The following ERICH5 variants were observed in gnomAD, a reference collection of about 807,000 sequenced individuals.
ERICH5 encodes glutamate rich 5.
Under a neutral mutation model 28.0 loss-of-function variants are expected in ERICH5, and 24 were observed. The ratio of observed to expected loss-of-function variants is 0.86; its 90% CI spans 0.62 to 1.21. ERICH5 has a LOEUF of 1.21. Among genes scored for constraint, ERICH5 ranks in the 50% most tolerant of loss-of-function variants. The pLI is 0.00. For missense variants in ERICH5, 421 were observed against 441.2 expected, an observed-to-expected ratio of 0.95 and a Z score of 0.41; for synonymous variants, 163 against 157.6, an observed-to-expected ratio of 1.03 and a Z score of -0.25.
Position 98,089,115 on chromosome 8 carries a change from A to G in ERICH5, c.98A>G (p.Glu33Gly), listed in dbSNP as rs1313779497. The part of the protein sequence containing the change: ...NEHFSTAEES[E>G]SCFAQPKPHA... ...CATTTTTCAACTGCAGAAGAAAGTG[A>G]GTCCTGCTTTGCCCAACCAAAGCCA... The change falls in exon 2 of 3, where the codon GAG (glutamate) becomes GGG (glycine). Residue 33 changes from glutamate to glycine, a missense_variant. By Grantham distance (98) the Glu-to-Gly change is moderately conservative. Transcript: ENST00000318528. The G allele has an allele frequency of 6.2e-7, 1 of 1,612,502 alleles. No individual in the cohort carries two copies. The highest frequency in any genetic ancestry group is 8.5e-7 in the Non-Finnish European group (1 of 1,179,496).
intron 1 of ERICH5, among the ~76,000 whole-genome samples, chr8:98,083,364 T>C (rs2130526122): frequency 6.6e-6 from 1 of 152,334 alleles, no homozygotes; most frequent in East Asian, 1.9e-4. Flanking sequence ...ATGAATTTCT[T>C]TTTAGACCTG....
intron 1 of ERICH5, among the ~76,000 whole-genome samples, chr8:98,068,323 G>A (rs1175070013): frequency 6.6e-6 from 1 of 152,196 alleles, no homozygotes; most frequent in Admixed American, 6.5e-5. Flanking sequence ...CCAGATAGGT[G>A]TGTGTGTTTG....
At chr8:98,082,813 G>A (rs1287083036) in intron 1 of ERICH5, among the ~76,000 whole-genome samples, 1 of 152,188 alleles carries the variant, frequency 6.6e-6, no homozygotes, top group Non-Finnish European at 1.5e-5. Flanking sequence ...TGAGGCTGCA[G>A]TAAGCTATGG....
intron 1 of ERICH5, among the ~76,000 whole-genome samples, chr8:98,065,634 C>T (rs951058156): frequency 1.6e-4 from 25 of 152,210 alleles, no homozygotes; most frequent in African/African-American, 5.3e-4. Context: ...AACGCAGTTA[C>T]ATGAATTAGA....
intron 1 of ERICH5, among the ~76,000 whole-genome samples, chr8:98,075,744 C>T (rs28669193): frequency 0.021 from 3,062 of 144,746 alleles, 111 homozygotes; most frequent in African/African-American, 0.073. Context: ...ATCCCAGCCA[C>T]ACAGTTGCTA....
intron 1 of ERICH5, among the ~76,000 whole-genome samples, chr8:98,067,910 A>T (rs1001908): frequency 4.6e-5 from 7 of 152,132 alleles, no homozygotes. Flanking sequence ...GGCCTATACT[A>T]TATATATTAT....
At chr8:98,080,321 A>G (rs1421807564) in intron 1 of ERICH5, among the ~76,000 whole-genome samples, 33 of 152,232 alleles carry the variant, frequency 2.2e-4, no homozygotes, top group Admixed American at 2.1e-3. Context: ...TTGCACAGGT[A>G]AGTAAATGGT....
chr8:98,091,843 T>TCTTC (rs1815392538), intron 2 of ERICH5, among the ~76,000 whole-genome samples: 3 of 65,406 alleles, frequency 4.6e-5, no homozygotes, highest in South Asian at 1.3e-3. Context: ...TCTTTTTCTT[T>TCTTC]CTTTCTTTCT....
At chr8:98,067,831 C>T (rs970901843) in intron 1 of ERICH5, among the ~76,000 whole-genome samples, 6 of 151,812 alleles carry the variant, frequency 4.0e-5, no homozygotes, top group South Asian at 2.1e-4. Flanking sequence ...GTCGAACTCC[C>T]GCCCTCAGGT....
intron 1 of ERICH5, among the ~76,000 whole-genome samples, chr8:98,085,313 A>G (rs2130528519): frequency 6.6e-6 from 1 of 150,788 alleles, no homozygotes; most frequent in East Asian, 2.0e-4. Flanking sequence ...GGCGCCCGCC[A>G]CCACGCCCTG....
At chr8:98,083,627 CCCT>C (rs1815219639) in intron 1 of ERICH5, among the ~76,000 whole-genome samples, 2 of 152,048 alleles carry the variant, frequency 1.3e-5, no homozygotes, top group South Asian at 4.1e-4. Flanking sequence ...CACACCACTA[CCCT>C]CCTCATTTCC....
chr8:98,093,241 G>C lies in ERICH5; in HGVS notation c.1033G>C (p.Glu345Gln). Residue 345 changes from glutamate (E) to glutamine (Q), a missense_variant, in exon 3 of 3, where the codon GAA becomes CAA. Physicochemically the swap from Glu to Gln is conservative, Grantham distance 29. Transcript: ENST00000318528. ...TCCAGGTGAGACAGGGGAAAAGGTG[G>C]AAACAGACATGGAGAATGAGAAAGT... ...RIEGETGEKV[E>Q]TDMENEKVSE... is the part of the protein sequence containing the mutation. 1.2e-6 allele frequency: 2 copies of C among 1,613,716 alleles called. No homozygotes were observed. Among genetic ancestry groups the C allele is most frequent in the Non-Finnish European group, 1.7e-6 (2 of 1,179,756 alleles).
intron 1 of ERICH5, among the ~76,000 whole-genome samples, chr8:98,074,593 C>T (rs1815016811): frequency 6.6e-6 from 1 of 151,884 alleles, no homozygotes; most frequent in Admixed American, 6.6e-5. Context: ...AAGACAAGGT[C>T]TCACTATGTT....
chr8:98,090,366 A>G (rs1815363480), intron 2 of ERICH5, among the ~76,000 whole-genome samples: 1 of 152,228 alleles, frequency 6.6e-6, no homozygotes, highest in Non-Finnish European at 1.5e-5. Flanking sequence ...TCCAAAGTAA[A>G]GGTGAATAGA....
intron 2 of ERICH5, among the ~76,000 whole-genome samples, chr8:98,091,955 T>TCTTTCTTTCTTTCTTTC (rs1563759735): frequency 1.4e-4 from 18 of 124,968 alleles, no homozygotes; most frequent in African/African-American, 4.7e-4. Context: ...CTTTCTTCTT[T>TCTTTCTTTCTTTCTTTC]CTTTCTTTTT....
At position 98,089,753 on chromosome 8, in the gene ERICH5, C is replaced by G; in HGVS notation, c.736C>G (p.Gln246Glu). The change falls in exon 2 of 3, where the codon CAG (glutamine) becomes GAG (glutamate). Residue 246 changes from glutamine (Q) to glutamate (E), a missense_variant. Gln to Glu is a conservative substitution (Grantham distance 29). Coordinates refer to ENST00000318528, the MANE Select transcript of ERICH5 (RefSeq NM_173549.3). Reference protein sequence around the residue: ...FVETAEEQQLQATLGKEEQPQ... With the variant: ...FVETAEEQQLEATLGKEEQPQ... ...GGAAACAGCTGAAGAGCAGCAACTT[C>G]AGGCAACATTGGGAAAAGAGGAGCA... 1 of 1,614,162 alleles carries G rather than the reference C, an allele frequency of 6.2e-7. No homozygotes were observed. The highest frequency in any genetic ancestry group is 8.5e-7 in the Non-Finnish European group (1 of 1,180,014).
intron 1 of ERICH5, among the ~76,000 whole-genome samples, chr8:98,069,783 C>G (rs1330438719): frequency 1.3e-5 from 2 of 152,044 alleles, no homozygotes; most frequent in African/African-American, 4.8e-5. Context: ...AGATAACTGC[C>G]TAAATGTGTT....
intron 1 of ERICH5, among the ~76,000 whole-genome samples, chr8:98,072,981 A>G (rs1441868597): frequency 6.6e-6 from 1 of 152,110 alleles, no homozygotes; most frequent in Non-Finnish European, 1.5e-5. Context: ...TACTTAATCT[A>G]AAGGTATAGC....
At chr8:98,091,937 CTTT>C in intron 2 of ERICH5, among the ~76,000 whole-genome samples, 9 of 18,584 alleles carry the variant, frequency 4.8e-4, no homozygotes, top group African/African-American at 1.2e-3. Flanking sequence ...TTCTTTCTTC[CTTT>C]CTTTCTTTCT....
Sources: allele counts gnomAD v4.1 joint callset (sites outside exome capture counted in the v4.1 genomes callset), GRCh38; gene constraint gnomAD v4.1.1; transcripts MANE v1.5; gene names NCBI Gene and HGNC (gene_info 2026-07-23, HGNC 2026-07-21).